Variants in ATP6V1C1 observed in about 807,000 individuals in gnomAD.
ATP6V1C1 encodes the protein ATPase H+ transporting V1 subunit C1, also known as V-type proton ATPase subunit C 1.
A neutral mutation model predicts 53.9 loss-of-function variants in ATP6V1C1; 45 were observed. The ratio of observed to expected loss-of-function variants is 0.83; its 90% CI spans 0.66 to 1.07. The LOEUF (loss-of-function observed/expected upper bound fraction) is 1.07. ATP6V1C1 is among the 50% of genes least tolerant of loss of function. ATP6V1C1 has a pLI of 0.00. For synonymous variants in ATP6V1C1, 153 were observed against 155.2 expected, an observed-to-expected ratio of 0.99 and a Z score of 0.11; for missense variants, 315 against 440.3, an observed-to-expected ratio of 0.72 and a Z score of 2.55.
intron 1 of ATP6V1C1, among the ~76,000 whole-genome samples, chr8:103,037,086 C>T (rs11778489): frequency 1.3e-5 from 2 of 152,064 alleles, no homozygotes; most frequent in South Asian, 4.1e-4. Flanking sequence ...TCGCTAAGTG[C>T]GAGAGTATTA....
At chr8:103,037,956 G>C (rs1816926495) in intron 1 of ATP6V1C1, among the ~76,000 whole-genome samples, 1 of 152,124 alleles carries the variant, frequency 6.6e-6, no homozygotes, top group Non-Finnish European at 1.5e-5. Flanking sequence ...TACTCTGCTG[G>C]CAGGAACTTA....
At chr8:103,050,790 A>G (rs1427072377) in intron 4 of ATP6V1C1, among the ~76,000 whole-genome samples, 3 of 152,334 alleles carry the variant, frequency 2.0e-5, no homozygotes, top group Non-Finnish European at 2.9e-5. Context: ...GAATATGTAC[A>G]TATTTCATTT....
Position 103,040,788 on chromosome 8 carries a change from T to A in ATP6V1C1, c.-39-10T>A, listed in dbSNP as rs768680052. The A allele has an allele frequency of 6.3e-7, 1 of 1,578,324 alleles. No homozygotes were observed. Among genetic ancestry groups the A allele is most frequent in the Non-Finnish European group, 8.6e-7 (1 of 1,163,048 alleles). Reference sequence around the variant, plus strand: ...TAAATGTGATTTTTTTTATTTGTTTTACATTTCAGAATCTCTCTTGATTTT... The same window carrying A: ...TAAATGTGATTTTTTTTATTTGTTTAACATTTCAGAATCTCTCTTGATTTT... On this transcript the variant is annotated splice_polypyrimidine_tract_variant and intron_variant, in intron 1 of 12. Coordinates refer to ENST00000518738, the MANE Select transcript of ATP6V1C1 (RefSeq NM_001695.5).
chr8:103,040,666 T>C, intron 1 of ATP6V1C1, 132 bp from the exon 2 acceptor site: 1 of 717,498 alleles, frequency 1.4e-6, no homozygotes, highest in Non-Finnish European at 2.1e-6. Context: ...AATTTCACTT[T>C]GCTTGAGATC....
intron 4 of ATP6V1C1, among the ~76,000 whole-genome samples, chr8:103,049,185 A>G (rs1181516738): frequency 6.6e-6 from 1 of 152,218 alleles, no homozygotes; most frequent in Non-Finnish European, 1.5e-5. Flanking sequence ...TATAGCTTAT[A>G]ATATGATGCC....
chr8:103,045,207 G>A lies in ATP6V1C1; in HGVS notation c.200+2800G>A, dbSNP rs118190503. On this transcript the variant is annotated intron_variant, in intron 3 of 12. Transcript: ENST00000518738. ...ATTTTTTCTTGAAATCTATCCAGAA[G>A]ATTTTCTCATTTCTGCTGTTAAAAT... is the stretch of plus-strand genomic sequence containing the variant. Among the ~76,000 whole-genome samples, 1,332 of 152,322 alleles carry A rather than the reference G, an allele frequency of 8.7e-3. 14 individuals carry two copies. The highest frequency in any genetic ancestry group is 0.013 in the Non-Finnish European group (898 of 68,018).
chr8:103,041,171 G>C (rs1247105111), intron 2 of ATP6V1C1, among the ~76,000 whole-genome samples: 3 of 152,138 alleles, frequency 2.0e-5, no homozygotes, highest in African/African-American at 7.2e-5. Flanking sequence ...TAGGCTTTTT[G>C]TGCTCTTCTA....
At chr8:103,056,157 G>GT (rs1159180141) in intron 8 of ATP6V1C1, among the ~76,000 whole-genome samples, 2 of 152,152 alleles carry the variant, frequency 1.3e-5, no homozygotes, top group Non-Finnish European at 2.9e-5. Context: ...GGCCAGTGAG[G>GT]TATTAATAGT....
chr8:103,056,060 T>TA, intron 8 of ATP6V1C1, 124 bp downstream of exon 8: 9 of 828,354 alleles, frequency 1.1e-5, no homozygotes, highest in Non-Finnish European at 1.7e-5. Flanking sequence ...GTGAGTTCTA[T>TA]GAACTCTAGT....
At chr8:103,060,683 C>A (rs1344878094) in intron 8 of ATP6V1C1, among the ~76,000 whole-genome samples, 1 of 152,118 alleles carries the variant, frequency 6.6e-6, no homozygotes, top group African/African-American at 2.4e-5. Context: ...TTAAGAAATA[C>A]CTTTCCTTAG....
At chr8:103,030,284 G>A (rs1415348228) in intron 1 of ATP6V1C1, among the ~76,000 whole-genome samples, 1 of 152,010 alleles carries the variant, frequency 6.6e-6, no homozygotes, top group Non-Finnish European at 1.5e-5. Flanking sequence ...GGCATTTATT[G>A]TTGTCAGTCC....
At chr8:103,037,757 A>G (rs955902969) in intron 1 of ATP6V1C1, among the ~76,000 whole-genome samples, 1 of 152,194 alleles carries the variant, frequency 6.6e-6, no homozygotes, top group Admixed American at 6.5e-5. Context: ...AATATTGCCA[A>G]TTATGTCATC....
intron 1 of ATP6V1C1, among the ~76,000 whole-genome samples, chr8:103,023,705 A>T (rs551309972): frequency 6.6e-6 from 1 of 152,194 alleles, no homozygotes. Flanking sequence ...GTGGATGAAA[A>T]TGCTATTCAT....
chr8:103,049,031 G>A, intron 4 of ATP6V1C1, 76 bp downstream of exon 4: 3 of 1,378,382 alleles, frequency 2.2e-6, no homozygotes, highest in Admixed American at 1.9e-5. Context: ...AAAAAGTAAT[G>A]TAAAAAAGTC....
chr8:103,053,724 T>G (rs1302608327), intron 6 of ATP6V1C1, among the ~76,000 whole-genome samples, 160 bp from the exon 7 acceptor site: 6 of 152,164 alleles, frequency 3.9e-5, no homozygotes, highest in Admixed American at 1.3e-4. Flanking sequence ...GTAGGATATA[T>G]TCAGCTAAAT....
chr8:103,031,396 A>G (rs1452551000), intron 1 of ATP6V1C1, among the ~76,000 whole-genome samples: 1 of 152,166 alleles, frequency 6.6e-6, no homozygotes, highest in East Asian at 1.9e-4. Flanking sequence ...CTGTGCAAGC[A>G]TGGCATCCGG....
At chr8:103,041,054 G>A in intron 2 of ATP6V1C1, 86 bp downstream of exon 2, 3 of 1,407,056 alleles carry the variant, frequency 2.1e-6, no homozygotes, top group Non-Finnish European at 2.8e-6. Flanking sequence ...GAGATACCCA[G>A]GTTCCTTCCA....
intron 10 of ATP6V1C1, chr8:103,064,504 G>A (rs1041837436): frequency 2.5e-6 from 1 of 403,458 alleles, no homozygotes; most frequent in Admixed American, 4.1e-5. Context: ...TTTAGTGTCT[G>A]TTGAGATCTC....
intron 3 of ATP6V1C1, among the ~76,000 whole-genome samples, chr8:103,044,332 A>T (rs925379052): frequency 6.6e-6 from 1 of 152,132 alleles, no homozygotes; most frequent in Admixed American, 6.6e-5. Context: ...TTTTATGTCT[A>T]TGTTTTCTTC....
Sources: gnomAD v4.1 joint callset for allele counts (sites outside exome capture counted in the v4.1 genomes callset) on GRCh38, gnomAD v4.1.1 for gene constraint, MANE v1.5 for transcripts, NCBI Gene and HGNC (gene_info 2026-07-23, HGNC 2026-07-21) for gene names.